Variants in ADARB1 observed in about 807,000 individuals in gnomAD.
The protein encoded by ADARB1 is double-stranded RNA-specific editase 1.
ADARB1 carries 10 observed loss-of-function variants against 52.4 expected under a neutral mutation model. The observed-to-expected ratio is 0.19, with a 90% confidence interval of 0.12 to 0.32. The LOEUF is 0.32. Ranked by LOEUF, ADARB1 falls within the 10% of genes least tolerant of loss-of-function variation. The pLI, the probability that ADARB1 is intolerant of heterozygous loss-of-function variation, is 1.00. For missense variants in ADARB1, 643 were observed against 922.3 expected (o/e 0.70, Z 3.92); for synonymous variants, 349 against 371.1 (o/e 0.94, Z 0.68).
intron 1 of ADARB1, among the ~76,000 whole-genome samples, chr21:45,098,548 C>A (rs1010442541): frequency 2.0e-5 from 3 of 152,174 alleles, no homozygotes; most frequent in African/African-American, 7.2e-5. Context: ...GTGCCTGGCC[C>A]CTGGAACAAA....
intron 1 of ADARB1, among the ~76,000 whole-genome samples, chr21:45,104,060 A>AG (rs970754763): frequency 3.9e-5 from 6 of 152,092 alleles, no homozygotes; most frequent in Non-Finnish European, 5.9e-5. Context: ...ACTTTTGGGG[A>AG]GGGGGGTCCC....
At position 45,138,625 on chromosome 21, in the gene ADARB1, G is replaced by A. The variant is rs1251240979; in HGVS notation, c.-48+10052G>A. ...ACTGTGTCTTTCTCCTTGGCAAGAA[G>A]TGTGTTTTGTGGCCAGCTTTAGTCA... On this transcript the variant is annotated intron_variant, in intron 2 of 10. Coordinates refer to ENST00000348831, the MANE Select transcript of ADARB1 (RefSeq NM_001112.4). Among the ~76,000 whole-genome samples the A allele has an allele frequency of 2.6e-5, 4 of 152,218 alleles. No homozygotes were observed. In the East Asian group the frequency reaches 7.7e-4, roughly 29 times the overall value.
intron 4 of ADARB1, among the ~76,000 whole-genome samples, chr21:45,178,667 A>G (rs1328124767): frequency 1.3e-5 from 2 of 152,200 alleles, no homozygotes; most frequent in African/African-American, 4.8e-5. Flanking sequence ...TAACCCTTGA[A>G]GGACGTAGGT....
intron 1 of ADARB1, among the ~76,000 whole-genome samples, chr21:45,117,760 A>G (rs949218755): frequency 2.0e-5 from 3 of 152,206 alleles, no homozygotes; most frequent in Admixed American, 6.5e-5. Flanking sequence ...ATACCAGCAC[A>G]TGGTAAAAAA....
chr21:45,163,378 A>G (rs1159782186), intron 2 of ADARB1, among the ~76,000 whole-genome samples: 1 of 152,238 alleles, frequency 6.6e-6, no homozygotes, highest in African/African-American at 2.4e-5. Flanking sequence ...TCTTCCTCAC[A>G]GGAAGCACTT....
intron 2 of ADARB1, among the ~76,000 whole-genome samples, chr21:45,148,328 C>G (rs142437517): frequency 1.3e-5 from 2 of 152,340 alleles, no homozygotes; most frequent in East Asian, 3.9e-4. Flanking sequence ...CCGTGGGTGT[C>G]AGGCTGGCCC....
chr21:45,184,677 C>G (rs908102520), intron 7 of ADARB1: 1 of 392,372 alleles, frequency 2.5e-6, no homozygotes, highest in African/African-American at 2.1e-5. Context: ...TCTTAAACTC[C>G]TGGGCTCAAG....
intron 8 of ADARB1, among the ~76,000 whole-genome samples, chr21:45,194,488 T>C (rs7281657): frequency 2.9e-4 from 34 of 117,164 alleles, no homozygotes; most frequent in African/African-American, 8.2e-4. Flanking sequence ...CTCTCACCTC[T>C]TAACCTCTGT....
At chr21:45,196,989 C>T (rs990519492) in intron 8 of ADARB1, among the ~76,000 whole-genome samples, 4 of 152,206 alleles carry the variant, frequency 2.6e-5, no homozygotes, top group South Asian at 2.1e-4. Flanking sequence ...GTCAGGAGTT[C>T]GAAACCAGCC....
intron 1 of ADARB1, among the ~76,000 whole-genome samples, chr21:45,125,564 G>A (rs1200357804): frequency 1.3e-5 from 2 of 152,374 alleles, no homozygotes; most frequent in African/African-American, 4.8e-5. Flanking sequence ...CGCCTGCTGC[G>A]TTCAATGGGC....
chr21:45,221,845 G>A lies in ADARB1; in HGVS notation c.1927-173G>A, dbSNP rs536248241. Among the ~76,000 whole-genome samples the A allele has an allele frequency of 2.6e-5, 4 of 152,300 alleles. No homozygotes were observed. Among genetic ancestry groups the A allele is most frequent in the South Asian group, 2.1e-4 (1 of 4,820 alleles). On this transcript the variant is annotated intron_variant, in intron 10 of 10. Transcript: ENST00000348831. The surrounding 1 kb of genome is among the most constrained non-coding windows in gnomAD (Gnocchi z 4.9). ...GGCAATAACTCAGCCCTTAGGAGAC[G>A]CCGCACCTTGTTCTGTGTGAAGCCG...
chr21:45,091,702 G>C (rs2086567163), intron 1 of ADARB1, among the ~76,000 whole-genome samples: 1 of 152,190 alleles, frequency 6.6e-6, no homozygotes, highest in African/African-American at 2.4e-5. Context: ...CCACATGTTT[G>C]CTCATGCTCT....
intron 9 of ADARB1, among the ~76,000 whole-genome samples, chr21:45,210,026 G>A (rs534757770): frequency 5.9e-5 from 9 of 152,250 alleles, no homozygotes; most frequent in South Asian, 2.1e-4. Flanking sequence ...CAGGCTCCCC[G>A]GGAGCTCATG....
intron 1 of ADARB1, among the ~76,000 whole-genome samples, chr21:45,126,565 C>T (rs1021460443): frequency 3.9e-5 from 6 of 152,160 alleles, no homozygotes; most frequent in African/African-American, 1.2e-4. Flanking sequence ...CTTGTGTCCT[C>T]GTCCTGTCCT....
At chr21:45,149,193 A>G (rs1031228893) in intron 2 of ADARB1, among the ~76,000 whole-genome samples, 5 of 152,220 alleles carry the variant, frequency 3.3e-5, no homozygotes, top group Admixed American at 1.3e-4. Flanking sequence ...TTAGGCCCCT[A>G]TTCCTCTCGG....
chr21:45,189,856 T>C (rs1279116996), intron 8 of ADARB1, among the ~76,000 whole-genome samples: 1 of 152,154 alleles, frequency 6.6e-6, no homozygotes, highest in East Asian at 1.9e-4. Flanking sequence ...AAATGGCTTT[T>C]CACTTGATGC....
Position 45,220,776 on chromosome 21 carries a change from T to C in ADARB1, c.1748-60T>C. The stretch of plus-strand genomic sequence containing the variant: ...CTGAGCACAGTGTGCCGCCCGTGGC[T>C]GCTCCCTCCCTGGGGGTGAAAGCGG... On this transcript the variant is annotated intron_variant, in intron 9 of 10. Coordinates refer to ENST00000348831, the MANE Select transcript of ADARB1 (RefSeq NM_001112.4). This position sits in a 1 kb window ranked among gnomAD's most constrained non-coding sequence, Gnocchi z 6.3. The C allele has an allele frequency of 1.3e-6, 2 of 1,581,946 alleles. No homozygotes were observed. The highest frequency in any genetic ancestry group is 1.7e-6 in the Non-Finnish European group (2 of 1,157,914).
At chr21:45,077,118 C>T (rs1465880123) in intron 1 of ADARB1, among the ~76,000 whole-genome samples, 2 of 152,136 alleles carry the variant, frequency 1.3e-5, no homozygotes, top group Non-Finnish European at 2.9e-5. Flanking sequence ...TATTCTTACA[C>T]GTGGGTACAA....
chr21:45,176,137 C>G lies in ADARB1; in HGVS notation c.436C>G (p.Pro146Ala). 1 of 1,614,192 alleles carries G rather than the reference C, an allele frequency of 6.2e-7. No homozygotes were observed. The highest frequency in any genetic ancestry group is 8.5e-7 in the Non-Finnish European group (1 of 1,180,036). Residue 146 changes from proline to alanine, a missense_variant, in exon 4 of 11, where the codon CCT becomes GCT. By Grantham distance (27) the Pro-to-Ala change is conservative. Transcript: ENST00000348831. The surrounding 1 kb of genome is among the most constrained non-coding windows in gnomAD (Gnocchi z 5.8). ...EKALRSFVQFPNASEAHLAMG... is the reference protein window; with the variant it reads ...EKALRSFVQFANASEAHLAMG... ...GGCCTTGAGGTCTTTCGTTCAGTTT[C>G]CTAATGCCTCTGAGGCCCACCTGGC...
Sources: allele counts gnomAD v4.1 joint callset (sites outside exome capture counted in the v4.1 genomes callset), GRCh38; gene constraint gnomAD v4.1.1; non-coding constraint Gnocchi (gnomAD v3.1); transcripts MANE v1.5; gene names NCBI Gene and HGNC (gene_info 2026-07-23, HGNC 2026-07-21).